The following SLC24A3 variants were observed in gnomAD, a reference collection of about 807,000 sequenced individuals.
SLC24A3 encodes solute carrier family 24 member 3, also known as sodium/potassium/calcium exchanger 3.
In SLC24A3, 28 loss-of-function variants were observed where a neutral mutation model predicts 75.8. The observed-to-expected ratio is 0.37, with a 90% CI of 0.27 to 0.51. SLC24A3 has a LOEUF of 0.51. Among genes scored for constraint, SLC24A3 ranks in the 20% least tolerant of loss-of-function variants. SLC24A3 has a pLI of 0.94. For synonymous variants in SLC24A3, 372 were observed against 334.1 expected, an observed-to-expected ratio of 1.11 and a Z score of -1.24; for missense variants, 663 against 847.8, an observed-to-expected ratio of 0.78 and a Z score of 2.71.
intron 1 of SLC24A3, among the ~76,000 whole-genome samples, chr20:19,238,170 A>T (rs1352524276): frequency 2.0e-5 from 3 of 151,978 alleles, no homozygotes; most frequent in Non-Finnish European, 4.4e-5. Context: ...GGTCCTTCCG[A>T]GTCACCCCCC....
intron 1 of SLC24A3, among the ~76,000 whole-genome samples, chr20:19,225,168 G>A (rs1006081593): frequency 6.6e-5 from 10 of 152,134 alleles, no homozygotes; most frequent in Non-Finnish European, 1.5e-5. Flanking sequence ...CATTTTGTTA[G>A]GGGTCTTTGA....
intron 2 of SLC24A3, among the ~76,000 whole-genome samples, chr20:19,407,390 C>T (rs930464773): frequency 1.2e-4 from 18 of 152,160 alleles, no homozygotes; most frequent in South Asian, 4.1e-4. Flanking sequence ...GAGTTGAGAA[C>T]GGGGCAGGTC....
chr20:19,567,019 C>T (rs1410701841), intron 3 of SLC24A3, among the ~76,000 whole-genome samples: 2 of 152,096 alleles, frequency 1.3e-5, no homozygotes, highest in Admixed American at 1.3e-4. Flanking sequence ...TAGTTGCTGA[C>T]AAGGTTGAGG....
At chr20:19,656,462 C>T (rs912122102) in intron 7 of SLC24A3, among the ~76,000 whole-genome samples, 5 of 152,166 alleles carry the variant, frequency 3.3e-5, no homozygotes, top group Non-Finnish European at 7.3e-5. Context: ...TCTGTTATTA[C>T]CTGTGAAAAG....
chr20:19,711,714 A>C (rs560376609), intron 15 of SLC24A3, among the ~76,000 whole-genome samples: 2 of 151,740 alleles, frequency 1.3e-5, no homozygotes, highest in South Asian at 4.2e-4. Flanking sequence ...ATCTCAGCTC[A>C]CTGCAACCTC....
At chr20:19,560,947 T>C (rs1358486134) in intron 3 of SLC24A3, among the ~76,000 whole-genome samples, 3 of 152,198 alleles carry the variant, frequency 2.0e-5, no homozygotes, top group Non-Finnish European at 4.4e-5. Flanking sequence ...CATATGTACG[T>C]GTGGATGAGG....
At chr20:19,336,781 G>A (rs1985146297) in intron 2 of SLC24A3, among the ~76,000 whole-genome samples, 3 of 150,934 alleles carry the variant, frequency 2.0e-5, no homozygotes, top group South Asian at 4.2e-4. Context: ...GGCACAGAGA[G>A]CCACGTTAGA....
intron 1 of SLC24A3, among the ~76,000 whole-genome samples, chr20:19,269,508 A>G (rs1366800924): frequency 1.3e-5 from 2 of 152,268 alleles, no homozygotes; most frequent in African/African-American, 4.8e-5. Context: ...TTCAATTTCT[A>G]GGCCAGAGGC....
intron 3 of SLC24A3, among the ~76,000 whole-genome samples, chr20:19,540,282 C>G (rs2030472546): frequency 6.6e-6 from 1 of 152,096 alleles, no homozygotes; most frequent in Non-Finnish European, 1.5e-5. Flanking sequence ...CTCCTTGACT[C>G]CAGAACTTGT....
intron 12 of SLC24A3, among the ~76,000 whole-genome samples, chr20:19,693,052 TA>T (rs1375950059): frequency 6.6e-6 from 1 of 151,970 alleles, no homozygotes; most frequent in Non-Finnish European, 1.5e-5. Context: ...GGGCAGTGGG[TA>T]ATTTTTTTTT....
intron 3 of SLC24A3, among the ~76,000 whole-genome samples, chr20:19,543,523 A>C (rs2122589946): frequency 6.6e-6 from 1 of 152,340 alleles, no homozygotes; most frequent in South Asian, 2.1e-4. Context: ...TGAGTGAAAC[A>C]CTGAAGCAGA....
intron 3 of SLC24A3, among the ~76,000 whole-genome samples, chr20:19,546,158 CAAAAAAAAAAAAAAAAA>C (rs367781560): frequency 2.1e-5 from 1 of 46,740 alleles, no homozygotes; most frequent in African/African-American, 9.6e-5. Flanking sequence ...GACTCCGTCT[CAAAAAAAAAAAAAAAAA>C]AAAAAAAAAA....
At chr20:19,420,096 G>A (rs1388100074) in intron 2 of SLC24A3, among the ~76,000 whole-genome samples, 2 of 57,602 alleles carry the variant, frequency 3.5e-5, no homozygotes, top group Admixed American at 4.1e-4. Flanking sequence ...TTTTGTTCTT[G>A]CGATAGTTTA....
chr20:19,431,966 G>A (rs565772261), intron 2 of SLC24A3, among the ~76,000 whole-genome samples: 2 of 152,140 alleles, frequency 1.3e-5, no homozygotes, highest in South Asian at 4.2e-4. Context: ...TTTTGTTTTA[G>A]AATTCTTAAA....
At chr20:19,393,325 T>C (rs1600462060) in intron 2 of SLC24A3, among the ~76,000 whole-genome samples, 1 of 152,102 alleles carries the variant, frequency 6.6e-6, no homozygotes, top group African/African-American at 2.4e-5. Context: ...CCACTAGAAA[T>C]GAGGATGCCT....
chr20:19,479,542 G>A (rs1448439022), intron 2 of SLC24A3, among the ~76,000 whole-genome samples: 1 of 152,238 alleles, frequency 6.6e-6, no homozygotes. Context: ...GTTTATTTGG[G>A]AGGTGATCCC....
chr20:19,291,756 C>T (rs769189015), intron 2 of SLC24A3, among the ~76,000 whole-genome samples: 29 of 152,324 alleles, frequency 1.9e-4, no homozygotes, highest in Middle Eastern at 3.4e-3. Flanking sequence ...CTCCCCAGCC[C>T]TGGGCCTGCA....
intron 2 of SLC24A3, among the ~76,000 whole-genome samples, chr20:19,402,935 G>C (rs938416241): frequency 6.6e-6 from 1 of 152,214 alleles, no homozygotes; most frequent in Admixed American, 6.5e-5. Flanking sequence ...TTGAGCACTG[G>C]AAATGTGACT....
intron 2 of SLC24A3, chr20:19,283,354 T>G (rs1426699238): frequency 1.3e-5 from 2 of 152,320 alleles, no homozygotes; most frequent in African/African-American, 4.8e-5. Context: ...TGTCTCCACA[T>G]GTGCTGTTAA....
Sources: allele counts gnomAD v4.1 joint callset (sites outside exome capture counted in the v4.1 genomes callset), GRCh38; gene constraint gnomAD v4.1.1; transcripts MANE v1.5; gene names NCBI Gene and HGNC (gene_info 2026-07-23, HGNC 2026-07-21).